CNTNAP5: variants seen among roughly 807,000 people sequenced by gnomAD.
CNTNAP5 encodes the protein contactin-associated protein-like 5.
CNTNAP5 carries 72 observed loss-of-function variants against 150.2 expected under a neutral mutation model. The observed-to-expected ratio is 0.48, with a 90% CI of 0.40 to 0.58. CNTNAP5 has a LOEUF of 0.58. Among genes scored for constraint, CNTNAP5 ranks in the 20% least tolerant of loss-of-function variants. The probability of loss-of-function intolerance (pLI) is 0.00; values close to 1 mark genes in which losing one functional copy is unlikely to be tolerated. For missense variants in CNTNAP5, 1,636 were observed against 1,626.2 expected (o/e 1.01, Z -0.10); for synonymous variants, 672 against 619.8 (o/e 1.08, Z -1.25).
At chr2:124,219,383 C>T (rs770684148) in intron 1 of CNTNAP5, among the ~76,000 whole-genome samples, 7 of 152,080 alleles carry the variant, frequency 4.6e-5, no homozygotes, top group Non-Finnish European at 8.8e-5. Context: ...AAATACATAA[C>T]TACTATATAC....
intron 13 of CNTNAP5, among the ~76,000 whole-genome samples, chr2:124,653,745 C>T (rs1235979469): frequency 6.6e-6 from 1 of 152,156 alleles, no homozygotes; most frequent in Non-Finnish European, 1.5e-5. Context: ...ACTTGTACCA[C>T]CCAAGATCAA....
At chr2:124,062,910 G>T (rs1003809437) in intron 1 of CNTNAP5, among the ~76,000 whole-genome samples, 1 of 152,012 alleles carries the variant, frequency 6.6e-6, no homozygotes, top group African/African-American at 2.4e-5. Context: ...TCTCTGCATC[G>T]GTAGTAGAGT....
intron 3 of CNTNAP5, among the ~76,000 whole-genome samples, chr2:124,331,686 G>A (rs989383127): frequency 6.6e-6 from 1 of 151,358 alleles, no homozygotes; most frequent in Non-Finnish European, 1.5e-5. Flanking sequence ...GAATTAAAAG[G>A]CTCAAAAGAA....
chr2:124,708,538 A>C (rs74921532), intron 13 of CNTNAP5, among the ~76,000 whole-genome samples: 6,339 of 152,214 alleles, frequency 0.042, 479 homozygotes, highest in African/African-American at 0.15. Flanking sequence ...CGGAAAATGT[A>C]TCTCGGGATT....
intron 3 of CNTNAP5, among the ~76,000 whole-genome samples, chr2:124,304,256 C>T (rs1260134046): frequency 1.3e-5 from 2 of 151,998 alleles, no homozygotes; most frequent in African/African-American, 4.8e-5. Context: ...AGGAGAAGTA[C>T]TTTGCAAAGG....
intron 18 of CNTNAP5, 73 bp downstream of exon 18, chr2:124,790,214 A>G (rs1681695886): frequency 2.1e-6 from 3 of 1,445,852 alleles, no homozygotes; most frequent in Non-Finnish European, 2.8e-6. Context: ...GCCATGTGAT[A>G]CTCACACTCT....
At chr2:124,556,098 G>T (rs2104922953) in intron 10 of CNTNAP5, among the ~76,000 whole-genome samples, 1 of 152,294 alleles carries the variant, frequency 6.6e-6, no homozygotes, top group South Asian at 2.1e-4. Flanking sequence ...CAGAAGTGAT[G>T]CCTCAGATGT....
chr2:124,379,188 G>A (rs1028499010), intron 3 of CNTNAP5, among the ~76,000 whole-genome samples: 39 of 150,270 alleles, frequency 2.6e-4, no homozygotes, highest in African/African-American at 7.6e-4. Flanking sequence ...TCATTATCAC[G>A]CAGAGTTCAC....
At chr2:124,348,703 T>G (rs1689799633) in intron 3 of CNTNAP5, among the ~76,000 whole-genome samples, 1 of 152,208 alleles carries the variant, frequency 6.6e-6, no homozygotes. Flanking sequence ...GTTTATCTAC[T>G]ATTTTTCATT....
intron 1 of CNTNAP5, among the ~76,000 whole-genome samples, chr2:124,129,938 C>A (rs1452563422): frequency 6.6e-6 from 1 of 152,148 alleles, no homozygotes; most frequent in Non-Finnish European, 1.5e-5. Context: ...CCTGAAAGCA[C>A]TGAAGACATC....
At chr2:124,730,929 A>G (rs1680257982) in intron 13 of CNTNAP5, among the ~76,000 whole-genome samples, 1 of 152,036 alleles carries the variant, frequency 6.6e-6, no homozygotes, top group Non-Finnish European at 1.5e-5. Context: ...TTTTATTACT[A>G]TCGTTATGCT....
chr2:124,558,129 G>T (rs1558953133), intron 10 of CNTNAP5, among the ~76,000 whole-genome samples: 1 of 152,164 alleles, frequency 6.6e-6, no homozygotes, highest in Non-Finnish European at 1.5e-5. Flanking sequence ...TAACTGAAGG[G>T]GTCAAGGATG....
intron 22 of CNTNAP5, among the ~76,000 whole-genome samples, chr2:124,904,780 G>A (rs906351192): frequency 2.0e-5 from 3 of 151,764 alleles, no homozygotes; most frequent in African/African-American, 7.3e-5. Flanking sequence ...TCCAGGAAGG[G>A]AACATAAGGA....
intron 13 of CNTNAP5, among the ~76,000 whole-genome samples, chr2:124,691,314 G>T (rs929802627): frequency 6.6e-6 from 1 of 152,072 alleles, no homozygotes; most frequent in African/African-American, 2.4e-5. Flanking sequence ...TATACAAAAA[G>T]TTGGTGGGTA....
intron 3 of CNTNAP5, among the ~76,000 whole-genome samples, chr2:124,391,322 T>C (rs1300515242): frequency 6.6e-6 from 1 of 152,164 alleles, no homozygotes; most frequent in Non-Finnish European, 1.5e-5. Context: ...GATATGCTAA[T>C]TAGAATATAA....
Position 124,766,284 on chromosome 2 carries a change from A to C in CNTNAP5, c.2533+2137A>C, listed in dbSNP as rs1573603070. Among the ~76,000 whole-genome samples the C allele has an allele frequency of 2.0e-5, 3 of 152,106 alleles. No individual in the cohort carries two copies. The South Asian group carries it at 6.2e-4, about 32-fold the overall frequency. Reference sequence around the variant, plus strand: ...TGTGTCTAAATGAATGTTTTTCTGTAGTTTGATTGAGGCAATTGACCATAT... The same window carrying C: ...TGTGTCTAAATGAATGTTTTTCTGTCGTTTGATTGAGGCAATTGACCATAT... On this transcript the variant is annotated intron_variant, in intron 16 of 23. Transcript: ENST00000682447.
chr2:124,365,199 G>A (rs764783868), intron 3 of CNTNAP5, among the ~76,000 whole-genome samples: 11 of 151,912 alleles, frequency 7.2e-5, no homozygotes, highest in East Asian at 1.9e-4. Context: ...AATTGTGGTC[G>A]CAGCTACTCA....
At chr2:124,062,589 A>G (rs1682040534) in intron 1 of CNTNAP5, among the ~76,000 whole-genome samples, 1 of 152,140 alleles carries the variant, frequency 6.6e-6, no homozygotes, top group South Asian at 2.1e-4. Flanking sequence ...AGTACCTATT[A>G]CGGGCTCCAG....
intron 4 of CNTNAP5, among the ~76,000 whole-genome samples, chr2:124,424,083 C>A (rs1160445845): frequency 6.6e-6 from 1 of 152,190 alleles, no homozygotes; most frequent in Non-Finnish European, 1.5e-5. Context: ...CTGTTCCACA[C>A]AAGACCTTGC....
Sources: gnomAD v4.1 joint callset for allele counts (sites outside exome capture counted in the v4.1 genomes callset) on GRCh38, gnomAD v4.1.1 for gene constraint, MANE v1.5 for transcripts, NCBI Gene and HGNC (gene_info 2026-07-23, HGNC 2026-07-21) for gene names.